The following TAX1BP1 variants were observed in gnomAD, a reference collection of about 807,000 sequenced individuals.
TAX1BP1 encodes Tax1 binding protein 1.
TAX1BP1 carries 62 observed loss-of-function variants against 97.7 expected under a neutral mutation model. The ratio of observed to expected loss-of-function variants is 0.63; its 90% CI spans 0.52 to 0.78. TAX1BP1 has a LOEUF of 0.78. TAX1BP1 is among the 30% of genes least tolerant of loss of function. TAX1BP1 has a pLI of 0.00. For synonymous variants in TAX1BP1, 340 were observed against 304.2 expected (o/e 1.12, Z -1.23); for missense variants, 867 against 916.1 (o/e 0.95, Z 0.69).
intron 13 of TAX1BP1, among the ~76,000 whole-genome samples, chr7:27,808,326 T>C (rs979108765): frequency 3.9e-5 from 6 of 152,222 alleles, no homozygotes; most frequent in African/African-American, 1.4e-4. Context: ...TCTCTTTCCA[T>C]AATATAACTT....
intron 3 of TAX1BP1, among the ~76,000 whole-genome samples, chr7:27,764,438 C>T (rs1369928181): frequency 6.6e-6 from 1 of 152,110 alleles, no homozygotes; most frequent in Non-Finnish European, 1.5e-5. Context: ...GGGAAGAATG[C>T]CATAGAAACA....
chr7:27,779,079 A>G (rs1306528897), intron 5 of TAX1BP1, among the ~76,000 whole-genome samples: 1 of 151,824 alleles, frequency 6.6e-6, no homozygotes, highest in Admixed American at 6.6e-5. Context: ...TATTTGTTTA[A>G]TGATTTTGAG....
At position 27,787,481 on chromosome 7, in the gene TAX1BP1, A is replaced by T; in HGVS notation, c.916A>T (p.Asn306Tyr). Residue 306 changes from asparagine (N) to tyrosine (Y), a missense_variant, in exon 8 of 17, where the codon AAT (asparagine) becomes TAT (tyrosine). Asn to Tyr is a moderately radical substitution (Grantham distance 143, BLOSUM62 -2). Around this residue, in one of 3 missense-constraint regions of TAX1BP1, gnomAD observed 822 missense variants for 851.4 expected, o/e 0.97. Transcript: ENST00000396319. ...TATGTCAGAGGTCCAGACTTTAAAA[A>T]ATTTAGATGGGAACAAAGAAAGCGT... ...KLMSEVQTLKNLDGNKESVIT... is the reference protein window; with the variant it reads ...KLMSEVQTLKYLDGNKESVIT... 1 of 1,613,676 alleles carries T rather than the reference A, an allele frequency of 6.2e-7. No homozygotes were observed. The highest frequency in any genetic ancestry group is 8.5e-7 in the Non-Finnish European group (1 of 1,179,744).
At chr7:27,788,516 A>G (rs907248429) in intron 8 of TAX1BP1, among the ~76,000 whole-genome samples, 2 of 152,068 alleles carry the variant, frequency 1.3e-5, no homozygotes, top group African/African-American at 4.8e-5. Flanking sequence ...AAAAAATTCT[A>G]TTATGCCTTC....
chr7:27,821,420 C>T (rs1220013795), intron 15 of TAX1BP1, among the ~76,000 whole-genome samples: 4 of 151,964 alleles, frequency 2.6e-5, no homozygotes, highest in African/African-American at 9.7e-5. Flanking sequence ...CACTTGAGGT[C>T]AGGAGTTCGA....
chr7:27,796,171 A>G lies in TAX1BP1; in HGVS notation c.1590A>G (p.Glu530=). Residue 530 remains glutamate, a synonymous_variant, in exon 12 of 17, where the codon GAA becomes GAG. Coordinates refer to ENST00000396319, the MANE Select transcript of TAX1BP1 (RefSeq NM_006024.7). ...GGCAAGTCTGTGAAATGACCAAAGA[A>G]ATTGCTGACAAAACAGAAAAGTATA... ...TKGQVCEMTK[E]IADKTEKYNK... 6.3e-7 allele frequency: 1 copy of G among 1,597,724 alleles called. No individual in the cohort carries two copies. Among genetic ancestry groups the G allele is most frequent in the Non-Finnish European group, 8.5e-7 (1 of 1,175,626 alleles).
intron 15 of TAX1BP1, among the ~76,000 whole-genome samples, chr7:27,819,023 CACTT>C (rs1790878861): frequency 6.6e-6 from 1 of 152,104 alleles, no homozygotes; most frequent in African/African-American, 2.4e-5. Context: ...AGTAAGTCCT[CACTT>C]AATGTCATAT....
chr7:27,748,085 G>A (rs1787891901), intron 1 of TAX1BP1, among the ~76,000 whole-genome samples: 1 of 152,082 alleles, frequency 6.6e-6, no homozygotes, highest in Non-Finnish European at 1.5e-5. Flanking sequence ...GGAAGGAAAT[G>A]TTAATTGACC....
At chr7:27,794,471 G>T (rs1474802346) in intron 11 of TAX1BP1, 25 bp downstream of exon 11, 1 of 1,584,564 alleles carries the variant, frequency 6.3e-7, no homozygotes, top group Admixed American at 1.8e-5. Context: ...GACTTTTTGT[G>T]TAGGGTGTCC....
At chr7:27,757,914 G>T in intron 2 of TAX1BP1, 117 bp from the exon 3 acceptor site, 1 of 540,574 alleles carries the variant, frequency 1.8e-6, no homozygotes, top group South Asian at 3.2e-5. Context: ...CTCATGATTT[G>T]TAAACATATT....
chr7:27,773,205 C>A (rs1788909199), intron 5 of TAX1BP1, among the ~76,000 whole-genome samples: 1 of 152,082 alleles, frequency 6.6e-6, no homozygotes, highest in South Asian at 2.1e-4. Flanking sequence ...AGTATGGCTC[C>A]AGTCCGTGCT....
rs780954290 is a variant in TAX1BP1 at position 27,828,657 on chromosome 7, G to T, written c.2198G>T (p.Cys733Phe). ...GATGTTCACAAGAAGTGTCCCCTCT[G>T]TGAGTTAATGTTTCCTCCTAACTAT... is the stretch of plus-strand genomic sequence containing the variant. ...SFDVHKKCPL[C>F]ELMFPPNYDQ... The change falls in exon 17 of 17, where the codon TGT becomes TTT. Residue 733 changes from cysteine to phenylalanine, a missense_variant. Physicochemically the swap from Cys to Phe is radical, Grantham distance 205. Around this residue, in one of 3 missense-constraint regions of TAX1BP1, gnomAD observed 822 missense variants for 851.4 expected, o/e 0.97. Coordinates refer to ENST00000396319, the MANE Select transcript of TAX1BP1 (RefSeq NM_006024.7). 2 of 1,613,936 alleles carry T rather than the reference G, an allele frequency of 1.2e-6. No homozygotes were observed. The highest frequency in any genetic ancestry group is 1.7e-6 in the Non-Finnish European group (2 of 1,179,940).
upstream of TAX1BP1, chr7:27,740,000 G>A (rs969336057): frequency 6.6e-6 from 1 of 152,264 alleles, no homozygotes; most frequent in Non-Finnish European, 1.5e-5. Flanking sequence ...ACGAAGTAAG[G>A]AGAGAGCCAG....
At chr7:27,806,742 G>A (rs557519902) in intron 13 of TAX1BP1, among the ~76,000 whole-genome samples, 1 of 152,082 alleles carries the variant, frequency 6.6e-6, no homozygotes, top group East Asian at 1.9e-4. Flanking sequence ...CTCTTGAAGG[G>A]TTAGTTTTCC....
intron 16 of TAX1BP1, 28 bp from the exon 17 acceptor site, chr7:27,828,600 A>C (rs776811311): frequency 1.2e-6 from 2 of 1,604,154 alleles, no homozygotes; most frequent in Admixed American, 3.3e-5. Flanking sequence ...TATTAGAAAC[A>C]TGTAATTCTT....
chr7:27,758,440 A>C (rs1788306949), intron 3 of TAX1BP1: 2 of 179,332 alleles, frequency 1.1e-5, no homozygotes, highest in African/African-American at 4.7e-5. Flanking sequence ...GTAATAACAG[A>C]TATTAGAATA....
chr7:27,768,698 T>C (rs1032808473), intron 4 of TAX1BP1, among the ~76,000 whole-genome samples: 9 of 151,958 alleles, frequency 5.9e-5, no homozygotes, highest in African/African-American at 1.9e-4. Flanking sequence ...ATAGATAAGA[T>C]ATAAAAAAAT....
intron 13 of TAX1BP1, among the ~76,000 whole-genome samples, chr7:27,808,198 T>C (rs575419045): frequency 5.0e-4 from 76 of 152,242 alleles, no homozygotes; most frequent in African/African-American, 1.8e-3. Context: ...GAAAATATGG[T>C]TCTCCCCCTC....
intron 3 of TAX1BP1, among the ~76,000 whole-genome samples, chr7:27,759,890 GT>G (rs1788358271): frequency 1.4e-5 from 2 of 146,290 alleles, no homozygotes; most frequent in South Asian, 4.3e-4. Context: ...GTCACACTGT[GT>G]TACCCAGGCT....
Sources: allele counts gnomAD v4.1 joint callset (sites outside exome capture counted in the v4.1 genomes callset), GRCh38; gene constraint gnomAD v4.1.1; regional missense constraint gnomAD v4.1.1; transcripts MANE v1.5; gene names NCBI Gene and HGNC (gene_info 2026-07-23, HGNC 2026-07-21).